ABL2: variants seen among roughly 807,000 people sequenced by gnomAD.
The protein encoded by ABL2 is ABL proto-oncogene 2, non-receptor tyrosine kinase.
A neutral mutation model predicts 107.7 loss-of-function variants in ABL2; 49 were observed. The observed-to-expected ratio is 0.45, with a 90% CI of 0.36 to 0.58. The LOEUF (loss-of-function observed/expected upper bound fraction) is 0.58. ABL2 is among the 20% of genes least tolerant of loss of function. The probability of loss-of-function intolerance (pLI) is 0.00; values close to 1 mark genes in which losing one functional copy is unlikely to be tolerated. For missense variants in ABL2, 1,245 were observed against 1,457.0 expected, an observed-to-expected ratio of 0.85 and a Z score of 2.37; for synonymous variants, 549 against 548.6, an observed-to-expected ratio of 1.00 and a Z score of -0.01.
At position 179,133,317 on chromosome 1, in the gene ABL2, C is replaced by T; in HGVS notation, c.215G>A (p.Ser72Asn). The change falls in exon 2 of 12, where the codon AGT becomes AAT. Residue 72 changes from serine (S) to asparagine (N), a missense_variant. Physicochemically the swap from Ser to Asn is conservative, Grantham distance 46. Around this residue, in one of 3 missense-constraint regions of ABL2, gnomAD observed 164 missense variants for 143.7 expected, o/e 1.14. Transcript: ENST00000502732. ...AACATCTCAACATCTCTCACCTGGA[C>T]TACTGCCTCCAGTCTTGTCTCCCTC... Reference protein sequence around the residue: ...GFEGDKTGGSSPEALHRPYGC... With the variant: ...GFEGDKTGGSNPEALHRPYGC... The T allele has an allele frequency of 6.2e-7, 1 of 1,614,192 alleles. No individual in the cohort carries two copies. Among genetic ancestry groups the T allele is most frequent in the African/African-American group, 1.3e-5 (1 of 75,042 alleles).
In ABL2 at chr1:179,128,141, G is replaced by A. The variant is rs766555603; in HGVS notation, c.392-1469C>T. ...TCCTTTTTTAGTGGCCTTCAGAAAC[G>A]TTTCCATAGAATAACTTTGTATCAG... On this transcript the variant is annotated intron_variant, in intron 3 of 11. Coordinates refer to ENST00000502732, the MANE Select transcript of ABL2 (RefSeq NM_007314.4). Among the ~76,000 whole-genome samples, 3 of 151,668 alleles carry A rather than the reference G, an allele frequency of 2.0e-5. No individual in the cohort carries two copies. The East Asian group carries it at 5.8e-4, about 29-fold the overall frequency.
intron 1 of ABL2, among the ~76,000 whole-genome samples, chr1:179,214,695 A>C (rs1480183177): frequency 6.6e-6 from 1 of 151,916 alleles, no homozygotes; most frequent in Non-Finnish European, 1.5e-5. Context: ...CATAAAGAAA[A>C]AACACAGGAA....
chr1:179,126,217 G>A lies in ABL2; in HGVS notation c.687+160C>T, dbSNP rs1377694584. On this transcript the variant is annotated intron_variant, in intron 4 of 11. Coordinates refer to ENST00000502732, the MANE Select transcript of ABL2 (RefSeq NM_007314.4). The surrounding 1 kb of genome is among the most constrained non-coding windows in gnomAD (Gnocchi z 4.4). The stretch of plus-strand genomic sequence containing the variant: ...ATTTCTATTACCATATCCTTTTCAA[G>A]AGTACAAGCTCTAACATGCCAAAAA... Among the ~76,000 whole-genome samples, 1 of 152,070 alleles carries A rather than the reference G, an allele frequency of 6.6e-6. No individual in the cohort carries two copies. The highest frequency in any genetic ancestry group is 1.5e-5 in the Non-Finnish European group (1 of 68,014).
At chr1:179,218,400 T>G (rs1662695934) in intron 1 of ABL2, among the ~76,000 whole-genome samples, 1 of 131,756 alleles carries the variant, frequency 7.6e-6, no homozygotes, top group Non-Finnish European at 1.7e-5. Context: ...TCAAGTACTC[T>G]TTTCTTTTCT....
intron 1 of ABL2, among the ~76,000 whole-genome samples, chr1:179,151,589 T>A (rs976494913): frequency 3.1e-4 from 47 of 152,334 alleles, no homozygotes; most frequent in African/African-American, 1.0e-3. Flanking sequence ...TAACTCATTT[T>A]AAAAATCCAG....
At chr1:179,110,760 A>T in intron 10 of ABL2, 1 of 1,613,848 alleles carries the variant, frequency 6.2e-7, no homozygotes. Flanking sequence ...GTTTGGAGTT[A>T]CTATGAATAC....
In ABL2 at chr1:179,158,603, G is replaced by A. The variant is rs28914496; in HGVS notation, c.158-25229C>T. On this transcript the variant is annotated intron_variant, in intron 1 of 11. Transcript: ENST00000502732. ...CTAAGGCTAGAAACCAGTGACTAAC[G>A]TAAGTCCTTTTCCATGATGAGGGAG... 4.4e-3 allele frequency among the ~76,000 whole-genome samples: 664 copies of A among 152,300 alleles called. 7 individuals are homozygous for A. Among genetic ancestry groups the A allele is most frequent in the African/African-American group, 0.014 (594 of 41,562 alleles).
At position 179,137,214 on chromosome 1, in the gene ABL2, A is replaced by G. The variant is rs182120343; in HGVS notation, c.158-3840T>C. On this transcript the variant is annotated intron_variant, in intron 1 of 11. Coordinates refer to ENST00000502732, the MANE Select transcript of ABL2 (RefSeq NM_007314.4). ...TAGCCAATTTGGGATGACCAAATCA[A>G]CAAAAATCCATATTGTAAAAAACAT... Among the ~76,000 whole-genome samples, 445 of 152,342 alleles carry G rather than the reference A, an allele frequency of 2.9e-3. 3 individuals carry two copies. Among genetic ancestry groups the G allele is most frequent in the African/African-American group, 0.01 (428 of 41,574 alleles).
intron 1 of ABL2, among the ~76,000 whole-genome samples, chr1:179,190,591 G>A (rs1233860088): frequency 2.0e-5 from 3 of 152,086 alleles, no homozygotes; most frequent in Non-Finnish European, 4.4e-5. Context: ...CCTCCACAGA[G>A]ACGTGGGGGG....
At chr1:179,200,261 G>A (rs538308191) in intron 1 of ABL2, among the ~76,000 whole-genome samples, 1 of 151,602 alleles carries the variant, frequency 6.6e-6, no homozygotes, top group East Asian at 2.0e-4. Flanking sequence ...TGGCCAGACT[G>A]GTCTTGAACT....
chr1:179,162,277 T>C (rs1208866490), intron 1 of ABL2, among the ~76,000 whole-genome samples: 1 of 152,158 alleles, frequency 6.6e-6, no homozygotes, highest in Non-Finnish European at 1.5e-5. Context: ...CATTAATATA[T>C]TCACGTTCCT....
chr1:179,192,034 T>C (rs1273016619), intron 1 of ABL2, among the ~76,000 whole-genome samples: 3 of 152,226 alleles, frequency 2.0e-5, no homozygotes, highest in Non-Finnish European at 2.9e-5. Context: ...AAGAGTAACT[T>C]ATACTTGGTG....
chr1:179,129,787 T>C (rs1239524717), intron 3 of ABL2, among the ~76,000 whole-genome samples: 2 of 152,128 alleles, frequency 1.3e-5, no homozygotes, highest in African/African-American at 2.4e-5. Flanking sequence ...ACATAACATG[T>C]ATCATCCTGT....
At position 179,100,712 on chromosome 1, in the gene ABL2, G is replaced by A. The variant is rs1414551867; in HGVS notation, c.*7006C>T. The stretch of plus-strand genomic sequence containing the variant: ...GGTAGGACCCTGAAAATTTGCTGAT[G>A]CGAGTACAGTGATGAACAAAGAACC... On this transcript the variant is annotated 3_prime_UTR_variant, in exon 12 of 12. Transcript: ENST00000502732. The A allele has an allele frequency of 8.7e-6, 2 of 229,894 alleles. No homozygotes were observed. The highest frequency in any genetic ancestry group is 2.2e-5 in the African/African-American group (1 of 45,162). The allele number at this position is 229,894 out of a possible 1,614,324, so 14.2% of individuals were successfully genotyped here.
intron 1 of ABL2, among the ~76,000 whole-genome samples, chr1:179,166,411 A>G (rs971349178): frequency 4.7e-5 from 7 of 147,680 alleles, no homozygotes; most frequent in African/African-American, 1.8e-4. Context: ...AAAAAAAAAA[A>G]GAAAATCAAA....
intron 1 of ABL2, among the ~76,000 whole-genome samples, chr1:179,196,921 G>C (rs555621771): frequency 6.6e-6 from 1 of 152,164 alleles, no homozygotes; most frequent in Non-Finnish European, 1.5e-5. Flanking sequence ...AGAAATAAAA[G>C]ACATAATAAT....
chr1:179,219,486 C>T (rs1662759741), intron 1 of ABL2, among the ~76,000 whole-genome samples: 1 of 152,156 alleles, frequency 6.6e-6, no homozygotes, highest in Non-Finnish European at 1.5e-5. Context: ...AACCAGCAAA[C>T]AAATGGGCCA....
chr1:179,173,059 G>A (rs560598155), intron 1 of ABL2, among the ~76,000 whole-genome samples: 1 of 151,842 alleles, frequency 6.6e-6, no homozygotes, highest in Admixed American at 6.6e-5. Context: ...GCTTGGTAGT[G>A]GGCGCCTGTA....
chr1:179,143,854 G>A lies in ABL2; in HGVS notation c.158-10480C>T, dbSNP rs184402244. 4.5e-4 allele frequency among the ~76,000 whole-genome samples: 68 copies of A among 152,024 alleles called. No homozygotes were observed. In the East Asian group the frequency reaches 0.012, roughly 26 times the overall value. ...TGCGATTACAGGCGCCCGCCACCAC[G>A]CCCAGCTAATTTTTTGTATTTTTAG... On this transcript the variant is annotated intron_variant, in intron 1 of 11. Transcript: ENST00000502732.
Sources: allele counts gnomAD v4.1 joint callset (sites outside exome capture counted in the v4.1 genomes callset), GRCh38; gene constraint gnomAD v4.1.1; regional missense constraint gnomAD v4.1.1; non-coding constraint Gnocchi (gnomAD v3.1); transcripts MANE v1.5; gene names NCBI Gene and HGNC (gene_info 2026-07-23, HGNC 2026-07-21).